Variants in WDR3 observed in about 807,000 individuals in gnomAD.
WDR3 encodes the protein WD repeat-containing protein 3.
Under a neutral mutation model 123.7 loss-of-function variants are expected in WDR3, and 81 were observed. The observed-to-expected ratio is 0.65, with a 90% CI of 0.55 to 0.79. The LOEUF (loss-of-function observed/expected upper bound fraction) is 0.79, where lower values mean the gene tolerates loss of function less well. Among genes scored for constraint, WDR3 ranks in the 30% least tolerant of loss-of-function variants. The pLI, the probability that WDR3 is intolerant of heterozygous loss-of-function variation, is 0.00. For synonymous variants in WDR3, 390 were observed against 388.8 expected (o/e 1.00, Z -0.04); for missense variants, 1,027 against 1,123.2 (o/e 0.91, Z 1.22).
At chr1:117,952,142 C>T in intron 17 of WDR3, 66 bp downstream of exon 17, 1 of 1,549,600 alleles carries the variant, frequency 6.5e-7, no homozygotes, top group Non-Finnish European at 8.8e-7. Context: ...CCTTGAGCAT[C>T]TGTGTCTATT....
In WDR3 at chr1:117,950,131, G is replaced by A. The variant is rs1208370755; in HGVS notation, c.1746+1G>A. On this transcript the variant is annotated splice_donor_variant, in intron 15 of 26. Transcript: ENST00000349139. LOFTEE classifies it high-confidence loss of function. ...AATTTTCTACGTTGATACTTTAAAGGTACAGTGGTTATGCCTGCGGATATT... is the reference window on the plus strand; with the variant it reads ...AATTTTCTACGTTGATACTTTAAAGATACAGTGGTTATGCCTGCGGATATT... 1.2e-6 allele frequency: 2 copies of A among 1,613,524 alleles called. No individual in the cohort carries two copies. Among genetic ancestry groups the A allele is most frequent in the Non-Finnish European group, 1.7e-6 (2 of 1,179,756 alleles).
In WDR3 at chr1:117,952,524, C is replaced by G; in HGVS notation, c.2017-4C>G. On this transcript the variant is annotated splice_region_variant and splice_polypyrimidine_tract_variant and intron_variant, in intron 18 of 26. Transcript: ENST00000349139. ...GTATTCTTTATTTTTTTTTTCTCCT[C>G]CAGGGTCATCACCAGGAAATATGGT... 1 of 1,604,616 alleles carries G rather than the reference C, an allele frequency of 6.2e-7. No individual in the cohort carries two copies. The highest frequency in any genetic ancestry group is 8.5e-7 in the Non-Finnish European group (1 of 1,177,100).
intron 11 of WDR3, among the ~76,000 whole-genome samples, chr1:117,943,970 A>T (rs1266683978): frequency 6.6e-6 from 1 of 152,210 alleles, no homozygotes; most frequent in African/African-American, 2.4e-5. Context: ...TTACTTTCCC[A>T]GATGACTGTT....
intron 12 of WDR3, among the ~76,000 whole-genome samples, chr1:117,946,858 G>A (rs564653898): frequency 6.7e-6 from 1 of 149,246 alleles, no homozygotes; most frequent in African/African-American, 2.5e-5. Flanking sequence ...GGAGAATGGC[G>A]TGAACCCGGG....
At position 117,933,465 on chromosome 1, in the gene WDR3, T is replaced by A; in HGVS notation, c.146T>A (p.Ile49Asn). 6.2e-7 allele frequency: 1 copy of A among 1,614,160 alleles called. No homozygotes were observed. The highest frequency in any genetic ancestry group is 8.5e-7 in the Non-Finnish European group (1 of 1,180,026). ...VAVPACEHVFIWDLRKGEKIL... is the reference protein window; with the variant it reads ...VAVPACEHVFNWDLRKGEKIL... ...GTACCAGCTTGTGAACACGTTTTCA[T>A]CTGGGACTTAAGGAAAGGAGAGAAG... The change falls in exon 2 of 27, where the codon ATC (isoleucine) becomes AAC (asparagine). Residue 49 changes from isoleucine (I) to asparagine (N), a missense_variant. Ile to Asn is a moderately radical substitution (Grantham distance 149, BLOSUM62 -3). Transcript: ENST00000349139.
At chr1:117,951,322 C>A (rs1651599625) in intron 16 of WDR3, among the ~76,000 whole-genome samples, 1 of 150,726 alleles carries the variant, frequency 6.6e-6, no homozygotes, top group Admixed American at 6.6e-5. Context: ...TGACCAAAAT[C>A]ATTTATTTCC....
rs371580895 is a variant in WDR3 at position 117,930,310 on chromosome 1, GA to G, written c.-33+534del. Among the ~76,000 whole-genome samples the G allele has an allele frequency of 2.7e-4, 41 of 152,304 alleles. No homozygotes were observed. The East Asian group carries it at 3.7e-3, about 14-fold the overall frequency. On this transcript the variant is annotated intron_variant, in intron 1 of 26. Coordinates refer to ENST00000349139, the MANE Select transcript of WDR3 (RefSeq NM_006784.3). The stretch of plus-strand genomic sequence containing the variant: ...GAGGTAGTTTAAATATCGAGGCGAT[GA>G]AAAAAGGCTGCTAGAATTGGGCTTA...
Position 117,936,778 on chromosome 1 carries a change from ATTAT to A in WDR3, c.393_396del (p.Ile131MetfsTer5). On this transcript the variant is annotated frameshift_variant, in exon 4 of 27. Coordinates refer to ENST00000349139, the MANE Select transcript of WDR3 (RefSeq NM_006784.3). LOFTEE classifies it high-confidence loss of function. ...TATTTGATCCCTTTAGGACACAGAT[ATTAT>A]TGTATGGGATGTGATCAATGAAAGT... 1 of 1,610,736 alleles carries A rather than the reference ATTAT, an allele frequency of 6.2e-7. No homozygotes were observed. Among genetic ancestry groups the A allele is most frequent in the Non-Finnish European group, 8.5e-7 (1 of 1,178,062 alleles).
At chr1:117,945,641 G>C (rs189801480) in intron 11 of WDR3, among the ~76,000 whole-genome samples, 1 of 152,166 alleles carries the variant, frequency 6.6e-6, no homozygotes, top group African/African-American at 2.4e-5. Context: ...CCAGCACCTA[G>C]AACAGTACCT....
Position 117,942,222 on chromosome 1 carries a change from A to G in WDR3, c.990-215A>G, listed in dbSNP as rs573093551. Among the ~76,000 whole-genome samples, 13 of 152,350 alleles carry G rather than the reference A, an allele frequency of 8.5e-5. No individual in the cohort carries two copies. The Middle Eastern group carries it at 0.017, about 199-fold the overall frequency. On this transcript the variant is annotated intron_variant, in intron 9 of 26. Coordinates refer to ENST00000349139, the MANE Select transcript of WDR3 (RefSeq NM_006784.3). Reference sequence around the variant, plus strand: ...CATTCAGAATCCATTTCTTAAGGGTACCTATTAAGTGAAATAATACTTTAT... The same window carrying G: ...CATTCAGAATCCATTTCTTAAGGGTGCCTATTAAGTGAAATAATACTTTAT...
At chr1:117,956,989 A>T in intron 24 of WDR3, 79 bp from the exon 25 acceptor site, 1 of 1,269,696 alleles carries the variant, frequency 7.9e-7, no homozygotes, top group Non-Finnish European at 1.1e-6. Flanking sequence ...AAAAAATAAT[A>T]AAGGGAAGGA....
In WDR3 at chr1:117,955,350, C is replaced by G; in HGVS notation, c.2445C>G (p.Ile815Met). 1.2e-6 allele frequency: 2 copies of G among 1,612,136 alleles called. No individual in the cohort carries two copies. The highest frequency in any genetic ancestry group is 1.7e-6 in the Non-Finnish European group (2 of 1,178,806). Residue 815 changes from isoleucine (I) to methionine (M), a missense_variant, in exon 24 of 27, where the codon ATC (isoleucine) becomes ATG (methionine). By Grantham distance (10) the Ile-to-Met change is conservative. Transcript: ENST00000349139. The stretch of plus-strand genomic sequence containing the variant: ...ATGTATTAGAGATTTTTAAAGGGAT[C>G]AAGTCGAGGTGAGTGAGTCCTTGCG... ...SAYVLEIFKGIKSSELEESLL... is the reference protein window; with the variant it reads ...SAYVLEIFKGMKSSELEESLL...
At chr1:117,942,615 AT>A in intron 10 of WDR3, 71 bp downstream of exon 10, 9 of 1,347,598 alleles carry the variant, frequency 6.7e-6, no homozygotes, top group Non-Finnish European at 9.5e-6. Context: ...TTTTCATGCT[AT>A]TTGTAAGCTG....
chr1:117,934,371 A>G, intron 2 of WDR3, 102 bp from the exon 3 acceptor site: 1 of 1,092,242 alleles, frequency 9.2e-7, no homozygotes, highest in Admixed American at 2.4e-5. Flanking sequence ...GTAATTTGGA[A>G]TTATTGGTGC....
chr1:117,954,947 G>A, intron 23 of WDR3: 1 of 386,010 alleles, frequency 2.6e-6, no homozygotes, highest in Non-Finnish European at 4.6e-6. Flanking sequence ...CAGAAGGAAA[G>A]TTGACAGAAA....
chr1:117,964,223 A>C lies in WDR3; in HGVS notation c.*4776A>C. ...TGGTCAAGCCCCAAACCATATCTACATCAGATTTCATGCTTTTTTTTTTTT... is the reference window on the plus strand; with the variant it reads ...TGGTCAAGCCCCAAACCATATCTACCTCAGATTTCATGCTTTTTTTTTTTT... On this transcript the variant is annotated 3_prime_UTR_variant, in exon 27 of 27. Transcript: ENST00000349139. 2 of 213,236 alleles carry C rather than the reference A, an allele frequency of 9.4e-6. No individual in the cohort carries two copies. The highest frequency in any genetic ancestry group is 9.2e-6 in the Non-Finnish European group (1 of 109,230). 13.2% of individuals were successfully genotyped at this position (213,236 alleles called of 1,614,324 possible).
At position 117,960,108 on chromosome 1, in the gene WDR3, TCGTG is replaced by T. The variant is rs1482889321; in HGVS notation, c.*662_*665del. 2 of 96,108 alleles carry T rather than the reference TCGTG, an allele frequency of 2.1e-5. No homozygotes were observed. Among genetic ancestry groups the T allele is most frequent in the East Asian group, 6.3e-4 (2 of 3,188 alleles). 6.0% of individuals were successfully genotyped at this position (96,108 alleles called of 1,614,324 possible). ...CTGGGCTTCTGAGGAATTAATACAC[TCGTG>T]TGTGTGTGTGTGTGTGTGTGTGTGT... On this transcript the variant is annotated 3_prime_UTR_variant, in exon 27 of 27. Coordinates refer to ENST00000349139, the MANE Select transcript of WDR3 (RefSeq NM_006784.3).
intron 21 of WDR3, 48 bp downstream of exon 21, chr1:117,953,589 C>A: frequency 6.3e-7 from 1 of 1,582,770 alleles, no homozygotes; most frequent in Non-Finnish European, 8.6e-7. Context: ...AAGATCTCAA[C>A]TTTTTAGTAA....
intron 25 of WDR3, 143 bp from the exon 26 acceptor site, chr1:117,958,767 C>CT (rs3215666): frequency 0.23 from 83,930 of 360,094 alleles, 9,841 homozygotes; most frequent in Admixed American, 0.32. Context: ...ACTTCTTTGG[C>CT]TTTTTTTTTT....
Sources: allele counts gnomAD v4.1 joint callset (sites outside exome capture counted in the v4.1 genomes callset), GRCh38; gene constraint gnomAD v4.1.1; transcripts MANE v1.5; gene names NCBI Gene and HGNC (gene_info 2026-07-23, HGNC 2026-07-21).